PRKCE: variants seen among roughly 807,000 people sequenced by gnomAD.
PRKCE encodes the protein protein kinase C epsilon type.
In PRKCE, 16 loss-of-function variants were observed where a neutral mutation model predicts 85.4. The observed-to-expected ratio is 0.19, with a 90% CI of 0.13 to 0.28. PRKCE has a LOEUF of 0.28. Ranked by LOEUF, PRKCE falls within the 10% of genes least tolerant of loss-of-function variation. The probability of loss-of-function intolerance (pLI) is 1.00; values close to 1 mark genes in which losing one functional copy is unlikely to be tolerated. For missense variants in PRKCE, 573 were observed against 975.2 expected (o/e 0.59, Z 5.49); for synonymous variants, 388 against 371.5 (o/e 1.04, Z -0.51).
At chr2:45,876,510 C>T (rs1282301710) in intron 2 of PRKCE, among the ~76,000 whole-genome samples, 1 of 152,232 alleles carries the variant, frequency 6.6e-6, no homozygotes, top group Non-Finnish European at 1.5e-5. Flanking sequence ...TCCTCCAATA[C>T]TTTTCAACCA....
rs1383162231 is a variant in PRKCE, at chr2:46,001,551, C to A, written c.966+5C>A. 1 of 1,597,452 alleles carries A rather than the reference C, an allele frequency of 6.3e-7. No individual in the cohort carries two copies. The highest frequency in any genetic ancestry group is 1.3e-5 in the African/African-American group (1 of 74,810). ...AGCGGCCAGAGAAGGAAAAAGGTAA[C>A]TGGCTGTTTGGTGGTGTTGCTGGAG... On this transcript the variant is annotated splice_donor_5th_base_variant and intron_variant, in intron 7 of 14. Transcript: ENST00000306156. The surrounding 1 kb of genome is among the most constrained non-coding windows in gnomAD (Gnocchi z 4.4).
intron 2 of PRKCE, among the ~76,000 whole-genome samples, chr2:45,964,223 C>T (rs975877871): frequency 1.3e-5 from 2 of 152,208 alleles, no homozygotes; most frequent in African/African-American, 4.8e-5. Context: ...CACCTGGGGA[C>T]AGGCAGAGAC....
chr2:45,682,714 G>A (rs1369593509), intron 1 of PRKCE, among the ~76,000 whole-genome samples: 3 of 152,184 alleles, frequency 2.0e-5, no homozygotes, highest in African/African-American at 7.2e-5. Flanking sequence ...AGCCTCACAA[G>A]TAGCTGGGAT....
In PRKCE at chr2:46,159,821, C is replaced by T. The variant is rs773444944; in HGVS notation, c.2067+69C>T. 2.4e-5 allele frequency: 37 copies of T among 1,573,884 alleles called. No individual in the cohort carries two copies. Among genetic ancestry groups the T allele is most frequent in the South Asian group, 1.1e-4 (10 of 87,572 alleles). On this transcript the variant is annotated intron_variant, in intron 14 of 14. Transcript: ENST00000306156. This position sits in a 1 kb window ranked among gnomAD's most constrained non-coding sequence, Gnocchi z 4.1. ...AGGTACTTGCAGGACAGGCTGCGTG[C>T]ACCCAGGAAGAGTTGGTCAGGGGAT...
chr2:45,983,170 T>C (rs748922150), intron 5 of PRKCE, among the ~76,000 whole-genome samples: 10 of 152,170 alleles, frequency 6.6e-5, no homozygotes, highest in Non-Finnish European at 1.3e-4. Flanking sequence ...ATCAGTGAAA[T>C]CTTGGTCCAA....
chr2:45,751,911 G>A (rs918265292), intron 1 of PRKCE, among the ~76,000 whole-genome samples: 2 of 140,450 alleles, frequency 1.4e-5, no homozygotes, highest in African/African-American at 2.7e-5. Context: ...TCCGCCTCCC[G>A]GGTTCACGCC....
chr2:45,826,052 G>A (rs1689917290), intron 1 of PRKCE, among the ~76,000 whole-genome samples: 1 of 152,176 alleles, frequency 6.6e-6, no homozygotes, highest in African/African-American at 2.4e-5. Flanking sequence ...GTTTGGTGGT[G>A]ATGGTATGGA....
intron 1 of PRKCE, among the ~76,000 whole-genome samples, chr2:45,725,615 G>A (rs947557144): frequency 6.6e-6 from 1 of 151,930 alleles, no homozygotes; most frequent in Non-Finnish European, 1.5e-5. Context: ...GGCAGATCAC[G>A]AGGTCAAGAG....
intron 10 of PRKCE, among the ~76,000 whole-genome samples, chr2:46,013,070 T>A (rs1159457323): frequency 6.6e-6 from 1 of 152,250 alleles, no homozygotes. Flanking sequence ...CTTAGCTTTA[T>A]GTAACAGATG....
chr2:46,112,817 G>A (rs566350619), intron 11 of PRKCE, among the ~76,000 whole-genome samples: 4 of 152,062 alleles, frequency 2.6e-5, no homozygotes, highest in Non-Finnish European at 5.9e-5. Context: ...ACCACACCTG[G>A]CCTCTTTATC....
chr2:45,729,081 C>A (rs1681336754), intron 1 of PRKCE, among the ~76,000 whole-genome samples: 1 of 152,188 alleles, frequency 6.6e-6, no homozygotes. Flanking sequence ...AGGATTCCGA[C>A]CATGGCTACC....
chr2:46,115,677 G>C (rs946945250), intron 11 of PRKCE, among the ~76,000 whole-genome samples: 1 of 152,164 alleles, frequency 6.6e-6, no homozygotes, highest in African/African-American at 2.4e-5. Context: ...AGTTCTTTTT[G>C]TGTATTTGTC....
At chr2:46,093,083 C>T (rs530107472) in intron 11 of PRKCE, among the ~76,000 whole-genome samples, 18 of 152,228 alleles carry the variant, frequency 1.2e-4, no homozygotes, top group African/African-American at 4.3e-4. Context: ...CAGAGAGCAT[C>T]GTTCTTAGCT....
intron 9 of PRKCE, among the ~76,000 whole-genome samples, chr2:46,008,766 A>G (rs1165024414): frequency 1.3e-5 from 2 of 152,250 alleles, no homozygotes; most frequent in East Asian, 1.9e-4. Flanking sequence ...CTGGTTAGGC[A>G]TAACTCTGGG....
intron 2 of PRKCE, among the ~76,000 whole-genome samples, chr2:45,975,802 G>A (rs1702410702): frequency 6.6e-6 from 1 of 152,094 alleles, no homozygotes. Flanking sequence ...TTGAGCCTTC[G>A]AGAAACTACT....
intron 10 of PRKCE, among the ~76,000 whole-genome samples, chr2:46,028,457 T>C (rs1707287905): frequency 6.6e-6 from 1 of 152,264 alleles, no homozygotes; most frequent in Non-Finnish European, 1.5e-5. Flanking sequence ...TATAAAGTGA[T>C]GTTATAAATT....
intron 2 of PRKCE, among the ~76,000 whole-genome samples, chr2:45,849,365 C>G (rs1249893969): frequency 6.6e-6 from 1 of 152,152 alleles, no homozygotes; most frequent in Non-Finnish European, 1.5e-5. Flanking sequence ...TTTGTGGTCT[C>G]TTTTCTCGCT....
chr2:45,807,238 G>A (rs186198814), intron 1 of PRKCE, among the ~76,000 whole-genome samples: 4 of 152,324 alleles, frequency 2.6e-5, no homozygotes, highest in African/African-American at 9.6e-5. Flanking sequence ...TATACATAAA[G>A]TGTGAAGCAT....
At chr2:46,081,496 C>A (rs529421014) in intron 10 of PRKCE, among the ~76,000 whole-genome samples, 1 of 152,130 alleles carries the variant, frequency 6.6e-6, no homozygotes, top group Non-Finnish European at 1.5e-5. Context: ...AAATTAATTA[C>A]ACAAATAAAA....
Sources: gnomAD v4.1 joint callset for allele counts (sites outside exome capture counted in the v4.1 genomes callset) on GRCh38, gnomAD v4.1.1 for gene constraint, Gnocchi (gnomAD v3.1) non-coding constraint, MANE v1.5 for transcripts, NCBI Gene and HGNC (gene_info 2026-07-23, HGNC 2026-07-21) for gene names.